FAAH2: variants seen among roughly 807,000 people sequenced by gnomAD.
The protein encoded by FAAH2 is fatty-acid amide hydrolase 2.
A neutral mutation model predicts 36.9 loss-of-function variants in FAAH2; 60 were observed. The observed-to-expected ratio is 1.63, with a 90% CI of 1.32 to 2.02. FAAH2 has a LOEUF of 2.02. Among genes scored for constraint, FAAH2 ranks in the 30% most tolerant of loss-of-function variants. FAAH2 has a pLI of 0.00. For synonymous variants in FAAH2, 214 were observed against 143.8 expected, an observed-to-expected ratio of 1.49 and a Z score of -3.49; for missense variants, 689 against 397.5, an observed-to-expected ratio of 1.73 and a Z score of -6.23.
intron 7 of FAAH2, chrX:57,393,073 CCCCTT>C: frequency 1.1e-6 from 1 of 923,376 alleles, no homozygotes; most frequent in Non-Finnish European, 1.6e-6. Context: ...GTACCCTTGC[CCCCTT>C]CTGCCAGTGA....
chrX:57,252,917 G>C, the FAAH2 span, among the ~76,000 whole-genome samples: 1 of 112,422 alleles, frequency 8.9e-6, no homozygotes, highest in Non-Finnish European at 1.9e-5. Context: ...GAATGAGTTT[G>C]ACAAGTTGAC....
chrX:57,127,790 T>A, the FAAH2 span, among the ~76,000 whole-genome samples: 1 of 111,210 alleles, frequency 9.0e-6, no homozygotes, highest in African/African-American at 3.3e-5. Context: ...ACTTAACCAA[T>A]GTTAAATCCC....
intron 10 of FAAH2, among the ~76,000 whole-genome samples, chrX:57,478,330 G>A (rs2057310243): frequency 9.0e-6 from 1 of 111,033 alleles, no homozygotes; most frequent in Non-Finnish European, 1.9e-5. Flanking sequence ...ACTTTTTGAT[G>A]GGGTTGTTTG....
At position 57,383,878 on chromosome X, in the gene FAAH2, C is replaced by T. The variant is rs750886060; in HGVS notation, c.996+2849C>T. 5.4e-5 allele frequency among the ~76,000 whole-genome samples: 6 copies of T among 111,725 alleles called. No homozygotes were observed. In the East Asian group the frequency reaches 1.4e-3, roughly 26 times the overall value. On this transcript the variant is annotated intron_variant, in intron 7 of 10. Transcript: ENST00000374900. Reference sequence around the variant, plus strand: ...CCCACATTGCCAAGTCAATCCTAAACCAAAAGAACAAAGCTGGAGGCATCA... The same window carrying T: ...CCCACATTGCCAAGTCAATCCTAAATCAAAAGAACAAAGCTGGAGGCATCA...
intron 5 of FAAH2, among the ~76,000 whole-genome samples, chrX:57,372,762 G>A (rs1264015887): frequency 3.6e-5 from 4 of 110,153 alleles, no homozygotes; most frequent in African/African-American, 1.3e-4. Flanking sequence ...GGGAACAGGT[G>A]GTGTTTGGTT....
At chrX:57,448,256 C>T (rs746330514) in intron 9 of FAAH2, among the ~76,000 whole-genome samples, 56 of 112,239 alleles carry the variant, frequency 5.0e-4, no homozygotes, top group African/African-American at 1.6e-3. Context: ...CAGACATGAG[C>T]CACCATGCTC....
the FAAH2 span, among the ~76,000 whole-genome samples, chrX:57,258,843 G>A: frequency 9.3e-6 from 1 of 107,562 alleles, no homozygotes; most frequent in Admixed American, 1.0e-4. Context: ...GAAGTAGCTG[G>A]GACTACAGGC....
chrX:57,340,415 A>G (rs1168084880), intron 4 of FAAH2, among the ~76,000 whole-genome samples: 1 of 111,777 alleles, frequency 8.9e-6, no homozygotes, highest in Non-Finnish European at 1.9e-5. Context: ...AATCAAGTTG[A>G]CGCTCAGTAT....
At chrX:57,256,450 C>G in the FAAH2 span, among the ~76,000 whole-genome samples, 2 of 111,494 alleles carry the variant, frequency 1.8e-5, no homozygotes, top group Non-Finnish European at 3.8e-5. Context: ...TCAAAAAGGA[C>G]CCCGCATAGC....
At chrX:57,361,332 G>C (rs1472952811) in intron 5 of FAAH2, among the ~76,000 whole-genome samples, 1 of 110,379 alleles carries the variant, frequency 9.1e-6, no homozygotes, top group Admixed American at 9.7e-5. Flanking sequence ...ATTAATTTAA[G>C]GTTTGGCATG....
the FAAH2 span, among the ~76,000 whole-genome samples, chrX:57,272,262 GA>G: frequency 9.1e-6 from 1 of 110,034 alleles, no homozygotes; most frequent in Admixed American, 9.8e-5. Flanking sequence ...TATGTGAAAA[GA>G]CCAAACCTGT....
At chrX:57,393,629 C>T in intron 7 of FAAH2, 1 of 928,071 alleles carries the variant, frequency 1.1e-6, no homozygotes, top group Non-Finnish European at 1.6e-6. Flanking sequence ...ACCACTCACC[C>T]CCAGATCTTC....
chrX:57,385,132 G>T (rs1217877589), intron 7 of FAAH2, among the ~76,000 whole-genome samples: 1 of 109,942 alleles, frequency 9.1e-6, no homozygotes, highest in Non-Finnish European at 1.9e-5. Context: ...GCCTGTTGTG[G>T]GGTGGGGGGA....
upstream of FAAH2, among the ~76,000 whole-genome samples, chrX:57,282,944 G>T (rs1178922016): frequency 8.9e-6 from 1 of 112,079 alleles, no homozygotes; most frequent in East Asian, 2.8e-4. Context: ...CACTTTTGAG[G>T]CAGCAGGGGA....
chrX:57,236,564 G>A, the FAAH2 span, among the ~76,000 whole-genome samples: 2 of 111,850 alleles, frequency 1.8e-5, no homozygotes, highest in Non-Finnish European at 1.9e-5. Context: ...TCTCATTGTG[G>A]TTTTGATTTG....
At chrX:57,220,023 G>A in the FAAH2 span, among the ~76,000 whole-genome samples, 2 of 109,024 alleles carry the variant, frequency 1.8e-5, no homozygotes, top group Non-Finnish European at 1.9e-5. Context: ...AATTCCTTAC[G>A]TCCAGGCCTT....
the FAAH2 span, among the ~76,000 whole-genome samples, chrX:57,201,856 T>C: frequency 8.9e-6 from 1 of 111,811 alleles, no homozygotes; most frequent in South Asian, 3.7e-4. Context: ...TCTGGCTTTG[T>C]ATTTTCAAAT....
intron 3 of FAAH2, among the ~76,000 whole-genome samples, chrX:57,327,663 T>C (rs2053257993): frequency 1.8e-5 from 2 of 111,937 alleles, no homozygotes; most frequent in Admixed American, 9.5e-5. Context: ...CATCATGTAG[T>C]TCTGGTGCTG....
At chrX:57,126,738 TC>T in the FAAH2 span, 2 of 111,767 alleles carry the variant, frequency 1.8e-5, no homozygotes, top group South Asian at 7.5e-4. Flanking sequence ...ATGCCATTCT[TC>T]CTGCAAGTGA....
Sources: allele counts gnomAD v4.1 joint callset (sites outside exome capture counted in the v4.1 genomes callset), GRCh38; gene constraint gnomAD v4.1.1; transcripts MANE v1.5; gene names NCBI Gene and HGNC (gene_info 2026-07-23, HGNC 2026-07-21).